The following EPHA4 variants were observed in gnomAD, a reference collection of about 807,000 sequenced individuals.
EPHA4 encodes the protein EPH receptor A4.
In EPHA4, 19 loss-of-function variants were observed where a neutral mutation model predicts 108.3. That is an observed-to-expected ratio of 0.18 (90% CI 0.12 to 0.26). The LOEUF (loss-of-function observed/expected upper bound fraction) is 0.26. EPHA4 is among the 10% of genes least tolerant of loss of function. The pLI, the probability that EPHA4 is intolerant of heterozygous loss-of-function variation, is 1.00. For synonymous variants in EPHA4, 449 were observed against 455.5 expected, an observed-to-expected ratio of 0.99 and a Z score of 0.18; for missense variants, 917 against 1,254.0, an observed-to-expected ratio of 0.73 and a Z score of 4.06.
intron 4 of EPHA4, among the ~76,000 whole-genome samples, chr2:221,500,135 C>A (rs1008335146): frequency 2.0e-5 from 3 of 152,140 alleles, no homozygotes; most frequent in African/African-American, 7.2e-5. Context: ...TTAATACCAA[C>A]AACCATTAGG....
chr2:221,426,340 A>G (rs1689909569), intron 16 of EPHA4, 124 bp downstream of exon 16: 2 of 1,234,522 alleles, frequency 1.6e-6, no homozygotes, highest in Non-Finnish European at 1.1e-6. Context: ...ATTATACTCA[A>G]TCAAAATGAG....
At chr2:221,428,466 T>A (rs1689976705) in intron 15 of EPHA4, among the ~76,000 whole-genome samples, 1 of 152,228 alleles carries the variant, frequency 6.6e-6, no homozygotes, top group Non-Finnish European at 1.5e-5. Context: ...CCTCAACTTG[T>A]TCTGTACCTT....
intron 2 of EPHA4, among the ~76,000 whole-genome samples, chr2:221,567,658 G>T (rs1245989956): frequency 6.6e-6 from 1 of 152,176 alleles, no homozygotes; most frequent in Admixed American, 6.5e-5. Flanking sequence ...CCATTTTCAT[G>T]ATTATTTTCT....
At chr2:221,544,208 AC>A (rs573357372) in intron 3 of EPHA4, among the ~76,000 whole-genome samples, 319 of 152,352 alleles carry the variant, frequency 2.1e-3, no homozygotes, top group Admixed American at 3.7e-3. Context: ...AGATCATCGT[AC>A]CAAGCTACAC....
chr2:221,452,123 G>A (rs143245367), intron 8 of EPHA4, among the ~76,000 whole-genome samples: 1 of 152,344 alleles, frequency 6.6e-6, no homozygotes, highest in Non-Finnish European at 1.5e-5. Flanking sequence ...CACTACGTGA[G>A]TTTCTGTCCA....
chr2:221,435,260 C>A (rs1188986015), intron 13 of EPHA4, among the ~76,000 whole-genome samples: 2 of 152,122 alleles, frequency 1.3e-5, no homozygotes, highest in Non-Finnish European at 2.9e-5. Context: ...CTGCATTCCC[C>A]CCTGCTTAAA....
At chr2:221,428,991 C>A (rs1280368325) in intron 15 of EPHA4, among the ~76,000 whole-genome samples, 1 of 152,064 alleles carries the variant, frequency 6.6e-6, no homozygotes, top group Non-Finnish European at 1.5e-5. Context: ...ACAGGGCCTG[C>A]AAAGACTGGA....
chr2:221,499,286 G>A (rs980504439), intron 4 of EPHA4, among the ~76,000 whole-genome samples: 1 of 150,034 alleles, frequency 6.7e-6, no homozygotes, highest in Non-Finnish European at 1.5e-5. Flanking sequence ...GAGTCTTCAG[G>A]TTGTACAACT....
At chr2:221,487,689 T>C (rs1169240735) in intron 4 of EPHA4, among the ~76,000 whole-genome samples, 1 of 152,210 alleles carries the variant, frequency 6.6e-6, no homozygotes, top group Non-Finnish European at 1.5e-5. Flanking sequence ...TAATGGCAAC[T>C]ACTTTTGTAC....
chr2:221,553,190 A>G (rs1042769195), intron 3 of EPHA4, among the ~76,000 whole-genome samples: 2 of 152,254 alleles, frequency 1.3e-5, no homozygotes, highest in East Asian at 1.9e-4. Flanking sequence ...GCAAAGTATT[A>G]CCATATTCAG....
At chr2:221,559,669 T>C (rs753046873) in intron 3 of EPHA4, among the ~76,000 whole-genome samples, 1 of 152,220 alleles carries the variant, frequency 6.6e-6, no homozygotes, top group Non-Finnish European at 1.5e-5. Flanking sequence ...GAACATTTCT[T>C]CATTAGGGGT....
At chr2:221,490,139 CT>C (rs1375775007) in intron 4 of EPHA4, among the ~76,000 whole-genome samples, 1 of 109,432 alleles carries the variant, frequency 9.1e-6, no homozygotes, top group Non-Finnish European at 1.9e-5. Flanking sequence ...AATTGAGACC[CT>C]GTCTCAAAAA....
intron 4 of EPHA4, among the ~76,000 whole-genome samples, chr2:221,498,789 T>C (rs1692382053): frequency 7.9e-6 from 1 of 125,896 alleles, no homozygotes; most frequent in South Asian, 2.9e-4. Flanking sequence ...ATTTTTTTTT[T>C]CTTTTTTTTT....
intron 3 of EPHA4, among the ~76,000 whole-genome samples, chr2:221,540,002 CT>C (rs1382387609): frequency 6.6e-6 from 1 of 152,190 alleles, no homozygotes; most frequent in African/African-American, 2.4e-5. Context: ...TCACTGCAAC[CT>C]TTGCCTCCTG....
Position 221,484,569 on chromosome 2 carries a change from A to G in EPHA4, c.980-1879T>C, listed in dbSNP as rs915624387. ...GAAAATACAAATTTCTTTCTTGTTT[A>G]GATTTCAAAACTGCATTTACAGTTT... On this transcript the variant is annotated intron_variant, in intron 4 of 17. Coordinates refer to ENST00000281821, the MANE Select transcript of EPHA4 (RefSeq NM_004438.5). Among the ~76,000 whole-genome samples the G allele has an allele frequency of 2.0e-5, 3 of 152,226 alleles. No homozygotes were observed. The East Asian group carries it at 5.8e-4, about 29-fold the overall frequency.
At position 221,447,890 on chromosome 2, in the gene EPHA4, G is replaced by A. The variant is rs142389817; in HGVS notation, c.1716-1709C>T. Among the ~76,000 whole-genome samples, 1,409 of 151,248 alleles carry A rather than the reference G, an allele frequency of 9.3e-3. 26 individuals carry two copies. Among genetic ancestry groups the A allele is most frequent in the Admixed American group, 0.047 (719 of 15,186 alleles). On this transcript the variant is annotated intron_variant, in intron 8 of 17. Coordinates refer to ENST00000281821, the MANE Select transcript of EPHA4 (RefSeq NM_004438.5). The stretch of plus-strand genomic sequence containing the variant: ...AGAGTGTCACTCTGTTGCTCAGGCC[G>A]GAGTGCAGTGCTATGATCTCAGCTC...
rs1312612580 is a variant in EPHA4 at position 221,456,703 on chromosome 2, G to A, written c.1513C>T (p.Pro505Ser). The change falls in exon 7 of 18, where the codon CCT becomes TCT. Residue 505 changes from proline to serine, a missense_variant. Pro to Ser is a moderately conservative substitution (Grantham distance 74). Transcript: ENST00000281821. ...ARNTDIKGLN[P>S]LTSYVFHVRA... ...ACGTGGAAAACATAGGAAGTGAGAG[G>A]GTTCAGGCCTTTGATATCTGTGTTC... 6.2e-7 allele frequency: 1 copy of A among 1,613,958 alleles called. No homozygotes were observed. Among genetic ancestry groups the A allele is most frequent in the Non-Finnish European group, 8.5e-7 (1 of 1,179,904 alleles).
chr2:221,551,368 T>G (rs1440618658), intron 3 of EPHA4, among the ~76,000 whole-genome samples: 1 of 152,150 alleles, frequency 6.6e-6, no homozygotes, highest in Non-Finnish European at 1.5e-5. Context: ...AATCACTATC[T>G]CTTGTAGAAG....
chr2:221,442,859 T>G lies in EPHA4; in HGVS notation c.2044A>C (p.Ile682Leu). The change falls in exon 11 of 18, where the codon ATC (isoleucine) becomes CTC (leucine). Residue 682 changes from isoleucine to leucine, a missense_variant. This residue lies in a region of EPHA4 where 758 missense variants were observed against 1,076.7 expected (regional missense o/e 0.70). Coordinates refer to ENST00000281821, the MANE Select transcript of EPHA4 (RefSeq NM_004438.5). Reference protein sequence around the residue: ...SIMGQFDHPNIIHLEGVVTKC... With the variant: ...SIMGQFDHPNLIHLEGVVTKC... ...GTGACCACGCCTTCCAAGTGAATGA[T>G]GTTCGGATGGTCAAACTGTCCCATG... is the stretch of plus-strand genomic sequence containing the variant. 1.2e-6 allele frequency: 2 copies of G among 1,614,220 alleles called. No individual in the cohort carries two copies. The highest frequency in any genetic ancestry group is 1.7e-6 in the Non-Finnish European group (2 of 1,180,030).
Sources: allele counts gnomAD v4.1 joint callset (sites outside exome capture counted in the v4.1 genomes callset), GRCh38; gene constraint gnomAD v4.1.1; regional missense constraint gnomAD v4.1.1; transcripts MANE v1.5; gene names NCBI Gene and HGNC (gene_info 2026-07-23, HGNC 2026-07-21).